DDC: variants seen among roughly 807,000 people sequenced by gnomAD.
The protein encoded by DDC is aromatic-L-amino-acid decarboxylase.
Under a neutral mutation model 60.0 loss-of-function variants are expected in DDC, and 43 were observed. That is an observed-to-expected ratio of 0.72 (90% CI 0.56 to 0.92). The LOEUF (loss-of-function observed/expected upper bound fraction) is 0.92. DDC is among the 40% of genes least tolerant of loss of function. The pLI is 0.00. For missense variants in DDC, 573 were observed against 620.2 expected (o/e 0.92, Z 0.81); for synonymous variants, 232 against 234.6 (o/e 0.99, Z 0.10).
chr7:50,493,076 A>AC, intron 9 of DDC: 1 of 1,306,696 alleles, frequency 7.7e-7, no homozygotes, highest in Non-Finnish European at 1.1e-6. Context: ...AAGATTAGGG[A>AC]CCCAAAATAT....
chr7:50,504,808 GC>G (rs1298770102), intron 6 of DDC, among the ~76,000 whole-genome samples: 1 of 152,152 alleles, frequency 6.6e-6, no homozygotes, highest in Non-Finnish European at 1.5e-5. Flanking sequence ...GGCCCAGACT[GC>G]CCAAGGCACT....
intron 8 of DDC, 118 bp downstream of exon 8, chr7:50,499,030 A>G (rs1432313436): frequency 1.2e-6 from 1 of 837,648 alleles, no homozygotes; most frequent in Non-Finnish European, 2.0e-6. Context: ...TGGTTCAAAC[A>G]TAATTGGCTG....
At chr7:50,483,171 A>T (rs1232552064) in intron 9 of DDC, among the ~76,000 whole-genome samples, 2 of 152,150 alleles carry the variant, frequency 1.3e-5, no homozygotes, top group African/African-American at 4.8e-5. Context: ...TCAGATTAAG[A>T]AGTTCTCTGC....
intron 9 of DDC, among the ~76,000 whole-genome samples, chr7:50,488,118 G>T (rs973931535): frequency 7.9e-5 from 12 of 152,074 alleles, no homozygotes; most frequent in African/African-American, 2.9e-4. Context: ...AACTTTAAAT[G>T]ATGACCATCA....
intron 6 of DDC, among the ~76,000 whole-genome samples, chr7:50,509,736 T>A (rs2043496841): frequency 6.6e-6 from 1 of 152,398 alleles, no homozygotes; most frequent in Admixed American, 6.5e-5. Flanking sequence ...ATTACATTTC[T>A]TTCAGTAGAA....
chr7:50,459,556 G>A (rs866402667), intron 14 of DDC: 6 of 175,802 alleles, frequency 3.4e-5, no homozygotes, highest in African/African-American at 9.8e-5. Flanking sequence ...AGTGAGGAGC[G>A]TCTCTGCCCG....
At chr7:50,458,913 C>T (rs1472649561) in intron 14 of DDC, 70 bp from the exon 15 acceptor site, 3 of 151,458 alleles carry the variant, frequency 2.0e-5, no homozygotes, top group Admixed American at 1.3e-4. Flanking sequence ...TCTCCCTCTC[C>T]CTCTCCCTCT....
rs145847787 is a variant in DDC at position 50,540,087 on chromosome 7, G to A, written c.202-59C>T. On this transcript the variant is annotated intron_variant, in intron 2 of 14. Coordinates refer to ENST00000444124, the MANE Select transcript of DDC (RefSeq NM_001082971.2). ...GAGGAAAGCCAGGCCTCAAGAGAGCGGGGGACCCAGGTACCCCCATGGCTC... is the reference window on the plus strand; with the variant it reads ...GAGGAAAGCCAGGCCTCAAGAGAGCAGGGGACCCAGGTACCCCCATGGCTC... 129 of 1,344,788 alleles carry A rather than the reference G, an allele frequency of 9.6e-5. 1 individual carries two copies. In the East Asian group the frequency reaches 2.6e-3, roughly 27 times the overall value. 83.3% of individuals were successfully genotyped at this position (1,344,788 alleles called of 1,614,324 possible).
Position 50,485,675 on chromosome 7 carries a change from ATC to A in DDC, c.945-5814_945-5813del, listed in dbSNP as rs2042865232. 4.6e-5 allele frequency among the ~76,000 whole-genome samples: 7 copies of A among 152,286 alleles called. No individual in the cohort carries two copies. In the South Asian group the frequency reaches 1.4e-3, roughly 32 times the overall value. ...TCTGGTTCTTACAAGTGTCCTTATT[ATC>A]TGTGTTCTATTGTGTTAAGGTAGAT... is the stretch of plus-strand genomic sequence containing the variant. On this transcript the variant is annotated intron_variant, in intron 9 of 14. Coordinates refer to ENST00000444124, the MANE Select transcript of DDC (RefSeq NM_001082971.2).
At chr7:50,534,202 G>A (rs1563034969) in intron 4 of DDC, among the ~76,000 whole-genome samples, 1 of 152,132 alleles carries the variant, frequency 6.6e-6, no homozygotes, top group South Asian at 2.1e-4. Context: ...CTTATCCTCT[G>A]CCTCAGGGTT....
rs74987565 is a variant in DDC at position 50,544,062 on chromosome 7, C to T, written c.24G>A (p.Arg8=). The change falls in exon 2 of 15, where the codon AGG becomes AGA. Residue 8 remains arginine (R), a synonymous_variant. Transcript: ENST00000444124. Reference sequence around the variant, plus strand: ...TGTAATCCACCATCTCCTTCCCTCTCCTTCGGAATTCACTTGCGTTCATGG... The same window carrying T: ...TGTAATCCACCATCTCCTTCCCTCTTCTTCGGAATTCACTTGCGTTCATGG... MNASEFR[R]RGKEMVDYMA... 6.2e-7 allele frequency: 1 copy of T among 1,614,180 alleles called. No individual in the cohort carries two copies. Among genetic ancestry groups the T allele is most frequent in the African/African-American group, 1.3e-5 (1 of 75,048 alleles).
intron 13 of DDC, among the ~76,000 whole-genome samples, chr7:50,465,328 T>C (rs1356939466): frequency 1.3e-5 from 2 of 152,192 alleles, no homozygotes; most frequent in Admixed American, 1.3e-4. Flanking sequence ...AATTAGATTG[T>C]GGTGATGGCT....
intron 1 of DDC, among the ~76,000 whole-genome samples, chr7:50,554,527 T>C (rs2045116351): frequency 6.6e-6 from 1 of 152,230 alleles, no homozygotes; most frequent in Non-Finnish European, 1.5e-5. Flanking sequence ...TGTATTTCTC[T>C]TCCACAGCTC....
chr7:50,544,417 T>A (rs1181137986), intron 1 of DDC, among the ~76,000 whole-genome samples: 1 of 152,198 alleles, frequency 6.6e-6, no homozygotes, highest in Non-Finnish European at 1.5e-5. Flanking sequence ...CCAACTTTAA[T>A]GACAAACACT....
At chr7:50,502,490 A>G (rs2153540296) in intron 7 of DDC, among the ~76,000 whole-genome samples, 1 of 152,352 alleles carries the variant, frequency 6.6e-6, no homozygotes, top group East Asian at 1.9e-4. Flanking sequence ...TTAGCCTGAC[A>G]TCTGAGTCAG....
intron 3 of DDC, among the ~76,000 whole-genome samples, chr7:50,538,786 T>A (rs2044505424): frequency 1.3e-5 from 2 of 152,224 alleles, no homozygotes; most frequent in South Asian, 2.1e-4. Context: ...CAGAATGGAT[T>A]TGGACCAGCA....
intron 14 of DDC, among the ~76,000 whole-genome samples, chr7:50,461,668 C>T (rs1299336786): frequency 6.6e-6 from 1 of 152,196 alleles, no homozygotes; most frequent in Non-Finnish European, 1.5e-5. Context: ...GAGCGTTTGC[C>T]TGATAGGGAT....
chr7:50,544,795 C>A (rs577362333), intron 1 of DDC, among the ~76,000 whole-genome samples: 7 of 152,214 alleles, frequency 4.6e-5, no homozygotes, highest in Non-Finnish European at 1.0e-4. Context: ...TTAGTGAATA[C>A]TGAACCATTT....
chr7:50,510,819 A>T (rs2043544891), intron 6 of DDC, among the ~76,000 whole-genome samples: 1 of 151,822 alleles, frequency 6.6e-6, no homozygotes, highest in African/African-American at 2.4e-5. Context: ...GTCTCTACTA[A>T]AAATACAAAA....
Sources: gnomAD v4.1 joint callset for allele counts (sites outside exome capture counted in the v4.1 genomes callset) on GRCh38, gnomAD v4.1.1 for gene constraint, MANE v1.5 for transcripts, NCBI Gene and HGNC (gene_info 2026-07-23, HGNC 2026-07-21) for gene names.